GPC5: variants seen among roughly 807,000 people sequenced by gnomAD.
GPC5 encodes glypican-5.
Under a neutral mutation model 53.9 loss-of-function variants are expected in GPC5, and 47 were observed. The observed-to-expected ratio is 0.87, with a 90% CI of 0.69 to 1.11. The LOEUF is 1.11. Ranked by LOEUF, GPC5 falls within the 50% of genes most tolerant of loss-of-function variation. The pLI is 0.00. For missense variants in GPC5, 748 were observed against 713.1 expected (o/e 1.05, Z -0.56); for synonymous variants, 286 against 263.3 (o/e 1.09, Z -0.84).
At chr13:91,450,937 A>G (rs572723453) in intron 2 of GPC5, among the ~76,000 whole-genome samples, 4 of 152,344 alleles carry the variant, frequency 2.6e-5, no homozygotes, top group African/African-American at 9.6e-5. Context: ...AAGTAGCTTT[A>G]GGCTTATTTC....
chr13:92,541,687 C>T (rs536052077), intron 7 of GPC5, among the ~76,000 whole-genome samples: 4 of 151,790 alleles, frequency 2.6e-5, no homozygotes, highest in Non-Finnish European at 5.9e-5. Flanking sequence ...ATGTTCATGA[C>T]CATCCCAGCC....
At chr13:91,647,976 T>G (rs906531659) in intron 2 of GPC5, among the ~76,000 whole-genome samples, 7 of 152,234 alleles carry the variant, frequency 4.6e-5, no homozygotes, top group Non-Finnish European at 1.0e-4. Context: ...TGTTCTCTGA[T>G]TGCAGAGTCA....
chr13:91,744,150 C>T (rs1338618233), intron 4 of GPC5, among the ~76,000 whole-genome samples: 1 of 152,118 alleles, frequency 6.6e-6, no homozygotes, highest in Non-Finnish European at 1.5e-5. Flanking sequence ...TAAACAAACA[C>T]ATATATGGAT....
At chr13:91,582,459 T>G (rs751216633) in intron 2 of GPC5, among the ~76,000 whole-genome samples, 6 of 151,858 alleles carry the variant, frequency 4.0e-5, no homozygotes, top group Non-Finnish European at 8.8e-5. Flanking sequence ...TGAGAACACT[T>G]GAAAACATGA....
chr13:91,829,921 A>C (rs1043151648), intron 5 of GPC5, among the ~76,000 whole-genome samples: 23 of 152,238 alleles, frequency 1.5e-4, no homozygotes, highest in East Asian at 1.9e-4. Context: ...GTGTGAGATC[A>C]CAGGACCACA....
chr13:92,759,086 TCCCAC>T (rs1244465784), intron 7 of GPC5, among the ~76,000 whole-genome samples: 150 of 144,850 alleles, frequency 1.0e-3, no homozygotes, highest in African/African-American at 3.8e-3. Flanking sequence ...TTCTACTCTA[TCCCAC>T]TGGTCCACTG....
chr13:92,531,418 T>C (rs1403591752), intron 7 of GPC5, among the ~76,000 whole-genome samples: 4 of 151,838 alleles, frequency 2.6e-5, no homozygotes, highest in Non-Finnish European at 5.9e-5. Context: ...AAAAAATATA[T>C]TTCATTGTAT....
chr13:91,690,985 C>T (rs1235405501), intron 2 of GPC5, among the ~76,000 whole-genome samples: 1 of 151,922 alleles, frequency 6.6e-6, no homozygotes, highest in Non-Finnish European at 1.5e-5. Context: ...TATTTGTGAC[C>T]CACTTCGCGG....
intron 1 of GPC5, among the ~76,000 whole-genome samples, chr13:91,406,067 T>A (rs977934785): frequency 1.3e-5 from 2 of 152,200 alleles, no homozygotes; most frequent in African/African-American, 4.8e-5. Flanking sequence ...CCACCATGCC[T>A]GGCCCTAATT....
Position 91,571,560 on chromosome 13 carries a change from C to G in GPC5, c.326-121627C>G, listed in dbSNP as rs1385820705. 4.0e-5 allele frequency among the ~76,000 whole-genome samples: 6 copies of G among 151,630 alleles called. No homozygotes were observed. The East Asian group carries it at 1.2e-3, about 30-fold the overall frequency. Reference sequence around the variant, plus strand: ...CCAACATGGTGAAACCCCATCTCCACTAAAAATACAAAAAAGTAGCTGGGT... The same window carrying G: ...CCAACATGGTGAAACCCCATCTCCAGTAAAAATACAAAAAAGTAGCTGGGT... On this transcript the variant is annotated intron_variant, in intron 2 of 7. Coordinates refer to ENST00000377067, the MANE Select transcript of GPC5 (RefSeq NM_004466.6).
chr13:91,405,232 A>G (rs771118804), intron 1 of GPC5, among the ~76,000 whole-genome samples: 13 of 152,036 alleles, frequency 8.6e-5, no homozygotes, highest in Admixed American at 2.6e-4. Flanking sequence ...ACATTGGGGG[A>G]TTGGCAATTC....
chr13:91,624,985 A>C (rs966708227), intron 2 of GPC5, among the ~76,000 whole-genome samples: 1 of 151,972 alleles, frequency 6.6e-6, no homozygotes, highest in African/African-American at 2.4e-5. Context: ...AAAACAAAAA[A>C]TGAAGTAGAT....
Position 91,999,093 on chromosome 13 carries a change from G to C in GPC5, c.1401+91036G>C, listed in dbSNP as rs541663336. Among the ~76,000 whole-genome samples, 228 of 151,938 alleles carry C rather than the reference G, an allele frequency of 1.5e-3. 1 individual carries two copies. In the Middle Eastern group the frequency reaches 0.051, roughly 34 times the overall value. On this transcript the variant is annotated intron_variant, in intron 6 of 7. Coordinates refer to ENST00000377067, the MANE Select transcript of GPC5 (RefSeq NM_004466.6). ...CTGAACTTTACAGTCTGTATCTCTGGCTATGGTTTGTAGTTGCATTTTTCT... is the reference window on the plus strand; with the variant it reads ...CTGAACTTTACAGTCTGTATCTCTGCCTATGGTTTGTAGTTGCATTTTTCT...
At chr13:91,529,760 C>T (rs1396468029) in intron 2 of GPC5, among the ~76,000 whole-genome samples, 3 of 152,180 alleles carry the variant, frequency 2.0e-5, no homozygotes, top group Non-Finnish European at 4.4e-5. Flanking sequence ...CAACATTCCT[C>T]ATAAGAGTCC....
chr13:92,729,801 A>T (rs2139297673), intron 7 of GPC5, among the ~76,000 whole-genome samples: 1 of 148,970 alleles, frequency 6.7e-6, no homozygotes, highest in South Asian at 2.2e-4. Context: ...TTTTACCACA[A>T]ATCAATTTAT....
At chr13:92,150,790 C>T (rs1354997833) in intron 7 of GPC5, among the ~76,000 whole-genome samples, 1 of 151,522 alleles carries the variant, frequency 6.6e-6, no homozygotes, top group East Asian at 1.9e-4. Flanking sequence ...TGTAATATGT[C>T]ATAACTAAAT....
At chr13:92,594,876 T>C (rs1883820729) in intron 7 of GPC5, among the ~76,000 whole-genome samples, 1 of 152,226 alleles carries the variant, frequency 6.6e-6, no homozygotes, top group African/African-American at 2.4e-5. Context: ...GTACATCTTA[T>C]TATTTGTGTT....
intron 5 of GPC5, among the ~76,000 whole-genome samples, chr13:91,778,470 A>T (rs1296191871): frequency 6.6e-6 from 1 of 152,092 alleles, no homozygotes; most frequent in Non-Finnish European, 1.5e-5. Flanking sequence ...ATGGGACTGG[A>T]ATCTCATCTG....
chr13:92,071,001 G>A (rs1024410370), intron 6 of GPC5, among the ~76,000 whole-genome samples: 1 of 152,168 alleles, frequency 6.6e-6, no homozygotes, highest in African/African-American at 2.4e-5. Context: ...ACTTTGGGAG[G>A]CTGAGGCGGG....
Sources: allele counts gnomAD v4.1 joint callset (sites outside exome capture counted in the v4.1 genomes callset), GRCh38; gene constraint gnomAD v4.1.1; transcripts MANE v1.5; gene names NCBI Gene and HGNC (gene_info 2026-07-23, HGNC 2026-07-21).